RABGEF1: variants seen among roughly 807,000 people sequenced by gnomAD.
RABGEF1 encodes the protein RAB guanine nucleotide exchange factor 1.
A neutral mutation model predicts 57.3 loss-of-function variants in RABGEF1; 26 were observed. The observed-to-expected ratio is 0.45, with a 90% confidence interval of 0.33 to 0.63. The LOEUF is 0.63. Ranked by LOEUF, RABGEF1 falls within the 20% of genes least tolerant of loss-of-function variation. The pLI is 0.02. For synonymous variants in RABGEF1, 185 were observed against 210.7 expected (o/e 0.88, Z 1.06); for missense variants, 464 against 607.6 (o/e 0.76, Z 2.48).
rs1791657927 is a variant in RABGEF1 at position 66,692,419 on chromosome 7, G to A, written c.-873+10161G>A. Among the ~76,000 whole-genome samples, 3 of 152,316 alleles carry A rather than the reference G, an allele frequency of 2.0e-5. No individual in the cohort carries two copies. In the South Asian group the frequency reaches 6.2e-4, roughly 32 times the overall value. ...TAAGAAGAACCTCAGCGAGTGCATTGAGTGATATTGGTGTGAGGTGGGGGC... is the reference window on the plus strand; with the variant it reads ...TAAGAAGAACCTCAGCGAGTGCATTAAGTGATATTGGTGTGAGGTGGGGGC... On this transcript the variant is annotated intron_variant and NMD_transcript_variant, in intron 1 of 9. Transcript: ENST00000607882.
intron 1 of RABGEF1, among the ~76,000 whole-genome samples, chr7:66,683,727 C>CTTAT (rs10583686): frequency 0.012 from 1,759 of 149,420 alleles, 28 homozygotes; most frequent in African/African-American, 0.031. Context: ...CAAGGAGGTG[C>CTTAT]TTATTTATTT....
chr7:66,751,662 T>G (rs1343953729), intron 1 of RABGEF1, among the ~76,000 whole-genome samples: 2 of 152,158 alleles, frequency 1.3e-5, no homozygotes, highest in Admixed American at 1.3e-4. Context: ...CACCTAAGAC[T>G]TTCAGCTGAT....
At chr7:66,798,312 C>G (rs1247409402) in intron 6 of RABGEF1, among the ~76,000 whole-genome samples, 1 of 152,068 alleles carries the variant, frequency 6.6e-6, no homozygotes, top group Non-Finnish European at 1.5e-5. Context: ...AAGAGACCAC[C>G]CAAGTGTGGG....
At chr7:66,752,860 GGGCCCT>G (rs1801755079) in intron 1 of RABGEF1, among the ~76,000 whole-genome samples, 1 of 152,144 alleles carries the variant, frequency 6.6e-6, no homozygotes, top group Admixed American at 6.6e-5. Context: ...CACCTTCACT[GGGCCCT>G]GGAGAGTGTG....
rs1789338210 is a variant in RABGEF1 at position 66,810,748 on chromosome 7, A to G, written c.*1464A>G. 6.6e-6 allele frequency: 1 copy of G among 152,372 alleles called. No individual in the cohort carries two copies. The highest frequency in any genetic ancestry group is 2.1e-4 in the South Asian group (1 of 4,828). 9.4% of individuals were successfully genotyped at this position (152,372 alleles called of 1,614,324 possible). A position where few individuals can be genotyped will look rare whatever the true frequency, so the allele number is the denominator to read the frequency against. ...CAGGGCACCGTTCTAGAACAACGTC[A>G]CTTCACACAGGCAGCTGAGAAAGGT... On this transcript the variant is annotated 3_prime_UTR_variant, in exon 9 of 9. Coordinates refer to ENST00000284957, the MANE Select transcript of RABGEF1 (RefSeq NM_014504.3).
chr7:66,686,227 G>A (rs1790603368), intron 1 of RABGEF1, among the ~76,000 whole-genome samples: 1 of 151,308 alleles, frequency 6.6e-6, no homozygotes, highest in Admixed American at 6.6e-5. Context: ...GTTGCAATGA[G>A]CCGAGATTGT....
intron 1 of RABGEF1, among the ~76,000 whole-genome samples, chr7:66,741,088 G>T (rs1798828380): frequency 6.6e-6 from 1 of 152,148 alleles, no homozygotes; most frequent in African/African-American, 2.4e-5. Flanking sequence ...GGCCTGACGC[G>T]GAGCATTTCC....
intron 1 of RABGEF1, among the ~76,000 whole-genome samples, chr7:66,684,845 C>G (rs894206606): frequency 4.6e-5 from 7 of 152,168 alleles, no homozygotes; most frequent in Admixed American, 2.0e-4. Context: ...CCATGTTAGC[C>G]AGGATGGTCT....
At chr7:66,782,586 T>TA (rs1810213013) in intron 3 of RABGEF1, among the ~76,000 whole-genome samples, 1 of 151,874 alleles carries the variant, frequency 6.6e-6, no homozygotes, top group South Asian at 2.1e-4. Context: ...TCCTCCTGCT[T>TA]TAACCCCCAC....
intron 3 of RABGEF1, among the ~76,000 whole-genome samples, chr7:66,778,564 C>A (rs1460074203): frequency 6.6e-6 from 1 of 152,116 alleles, no homozygotes; most frequent in Non-Finnish European, 1.5e-5. Context: ...CTTTCATGAA[C>A]GGATCTGAAG....
Position 66,809,193 on chromosome 7 carries a change from C to T in RABGEF1, c.1385C>T (p.Pro462Leu). 1.2e-6 allele frequency: 2 copies of T among 1,614,154 alleles called. No individual in the cohort carries two copies. Among genetic ancestry groups the T allele is most frequent in the Non-Finnish European group, 1.7e-6 (2 of 1,180,028 alleles). The change falls in exon 9 of 9, where the codon CCT becomes CTT. Residue 462 changes from proline (P) to leucine (L), a missense_variant. Transcript: ENST00000284957. Reference protein sequence around the residue: ...IVEKYPLEIKPPNQPLAAIDS... With the variant: ...IVEKYPLEIKLPNQPLAAIDS... ...GAGAAATACCCACTGGAAATTAAGC[C>T]TCCGAATCAACCGTTAGCAGCTATT...
intron 1 of RABGEF1, among the ~76,000 whole-genome samples, chr7:66,690,175 C>T (rs1287491530): frequency 6.8e-6 from 1 of 147,370 alleles, no homozygotes; most frequent in African/African-American, 2.5e-5. Flanking sequence ...GATCTTGGCT[C>T]ACTGCAACCT....
chr7:66,775,711 A>T (rs2129124132), intron 3 of RABGEF1, among the ~76,000 whole-genome samples: 1 of 152,240 alleles, frequency 6.6e-6, no homozygotes, highest in South Asian at 2.1e-4. Context: ...TTATTTGTGG[A>T]TCCTGGTTTG....
chr7:66,757,817 TAGCC>T (rs1182827298), intron 1 of RABGEF1, among the ~76,000 whole-genome samples: 2 of 152,164 alleles, frequency 1.3e-5, no homozygotes, highest in African/African-American at 4.8e-5. Context: ...TTCACCGTGT[TAGCC>T]AGGATGGTCT....
intron 1 of RABGEF1, among the ~76,000 whole-genome samples, chr7:66,756,464 T>C (rs572361404): frequency 1.8e-4 from 27 of 152,360 alleles, no homozygotes; most frequent in Admixed American, 3.9e-4. Flanking sequence ...CTCAAGGTCA[T>C]GGTCTGCTCA....
chr7:66,772,916 A>AT (rs1807514219), intron 2 of RABGEF1, among the ~76,000 whole-genome samples: 1 of 151,360 alleles, frequency 6.6e-6, no homozygotes, highest in Non-Finnish European at 1.5e-5. Flanking sequence ...TGTCTCAAAA[A>AT]AAAATAAATA....
At chr7:66,665,598 T>C in the RABGEF1 span, among the ~76,000 whole-genome samples, 8 of 152,158 alleles carry the variant, frequency 5.3e-5, no homozygotes, top group African/African-American at 1.9e-4. Context: ...GGCGAGTCAG[T>C]TCCCTTCCCT....
rs146288300 is a variant in RABGEF1, at chr7:66,809,306, T to C, written c.*22T>C. On this transcript the variant is annotated 3_prime_UTR_variant, in exon 9 of 9. Transcript: ENST00000284957. The stretch of plus-strand genomic sequence containing the variant: ...ATGATCACAATTTAGTGGAGAGTAT[T>C]TATTTGAGCCTAAATTGTAGGTAGC... The C allele has an allele frequency of 6.3e-7, 1 of 1,579,858 alleles. No individual in the cohort carries two copies. Among genetic ancestry groups the C allele is most frequent in the Non-Finnish European group, 8.6e-7 (1 of 1,160,938 alleles).
intron 2 of RABGEF1, among the ~76,000 whole-genome samples, chr7:66,732,316 T>C (rs892325231): frequency 3.3e-5 from 5 of 152,144 alleles, no homozygotes; most frequent in African/African-American, 1.2e-4. Context: ...CCTCTGGGGC[T>C]GCCTCTGGGG....
Sources: gnomAD v4.1 joint callset for allele counts (sites outside exome capture counted in the v4.1 genomes callset) on GRCh38, gnomAD v4.1.1 for gene constraint, MANE v1.5 for transcripts, NCBI Gene and HGNC (gene_info 2026-07-23, HGNC 2026-07-21) for gene names.